SCIN: variants seen among roughly 807,000 people sequenced by gnomAD.
SCIN encodes the protein adseverin.
SCIN carries 91 observed loss-of-function variants against 91.8 expected under a neutral mutation model. The observed-to-expected ratio is 0.99, with a 90% CI of 0.84 to 1.18. SCIN has a LOEUF of 1.18. Among genes scored for constraint, SCIN ranks in the 50% most tolerant of loss-of-function variants. SCIN has a pLI of 0.00. For synonymous variants in SCIN, 367 were observed against 312.6 expected (o/e 1.17, Z -1.84); for missense variants, 1,087 against 863.9 (o/e 1.26, Z -3.24).
chr7:12,657,488 C>G lies in SCIN; in HGVS notation c.*4773C>G, dbSNP rs1030793120. 1.5e-5 allele frequency: 2 copies of G among 137,688 alleles called. No individual in the cohort carries two copies. Among genetic ancestry groups the G allele is most frequent in the African/African-American group, 5.3e-5 (2 of 38,024 alleles). 8.5% of individuals were successfully genotyped at this position (137,688 alleles called of 1,614,324 possible). A position where few individuals can be genotyped will look rare whatever the true frequency, so the allele number is the denominator to read the frequency against. On this transcript the variant is annotated 3_prime_UTR_variant, in exon 16 of 16. Coordinates refer to ENST00000297029, the MANE Select transcript of SCIN (RefSeq NM_001112706.3). ...CCTCCCAATATGCTGGGATTACAGG[C>G]ATGAGCCACCGCATCTGGACACGAA...
intron 4 of SCIN, among the ~76,000 whole-genome samples, chr7:12,613,583 C>T (rs1783240036): frequency 6.6e-6 from 1 of 152,118 alleles, no homozygotes; most frequent in South Asian, 2.1e-4. Context: ...GATTGTGCTT[C>T]CAAGTACTGT....
chr7:12,629,413 G>A (rs1783598706), intron 9 of SCIN, among the ~76,000 whole-genome samples, 191 bp downstream of exon 9: 1 of 152,112 alleles, frequency 6.6e-6, no homozygotes, highest in African/African-American at 2.4e-5. Context: ...GGCAGCAGGA[G>A]TCACATAAAG....
At position 12,580,028 on chromosome 7, in the gene SCIN, TA is replaced by T. The variant is rs200849261; in HGVS notation, c.355-1031del. 5.4e-3 allele frequency among the ~76,000 whole-genome samples: 827 copies of T among 152,264 alleles called. 29 individuals are homozygous for T. The highest frequency in any genetic ancestry group is 0.046 in the Admixed American group (698 of 15,284). Reference sequence around the variant, plus strand: ...AATTATGGACTGGGAAATCATTTTATATTTTTTTTTAATTTGAAGTTTTAAT... The same window carrying T: ...AATTATGGACTGGGAAATCATTTTATTTTTTTTTTAATTTGAAGTTTTAAT... On this transcript the variant is annotated intron_variant, in intron 2 of 15. Transcript: ENST00000297029.
At chr7:12,577,056 C>T (rs1370993869) in intron 1 of SCIN, among the ~76,000 whole-genome samples, 1 of 152,058 alleles carries the variant, frequency 6.6e-6, no homozygotes, top group African/African-American at 2.4e-5. Flanking sequence ...TTGTTTTGAC[C>T]TTAGTGAAGT....
chr7:12,600,838 C>A lies in SCIN; in HGVS notation c.517-3676C>A, dbSNP rs553160140. Among the ~76,000 whole-genome samples the A allele has an allele frequency of 6.6e-5, 10 of 152,264 alleles. No individual in the cohort carries two copies. The South Asian group carries it at 1.9e-3, about 28-fold the overall frequency. Reference sequence around the variant, plus strand: ...CACATCTCTGTATTTTTAAAAATTACCTTGCTACTCTATTATCTGATTTTA... The same window carrying A: ...CACATCTCTGTATTTTTAAAAATTAACTTGCTACTCTATTATCTGATTTTA... On this transcript the variant is annotated intron_variant, in intron 3 of 15. Coordinates refer to ENST00000297029, the MANE Select transcript of SCIN (RefSeq NM_001112706.3).
chr7:12,574,781 C>T (rs1583269999), intron 1 of SCIN, among the ~76,000 whole-genome samples: 2 of 152,056 alleles, frequency 1.3e-5, no homozygotes, highest in South Asian at 2.1e-4. Flanking sequence ...TGATTCCCCC[C>T]ACTTTATGCT....
chr7:12,610,330 T>C (rs528409641), intron 4 of SCIN, among the ~76,000 whole-genome samples: 5 of 152,222 alleles, frequency 3.3e-5, no homozygotes, highest in Admixed American at 6.5e-5. Flanking sequence ...ATAGTGAAGA[T>C]AGTTCTTAAG....
Position 12,626,614 on chromosome 7 carries a change from C to G in SCIN, c.1012C>G (p.Pro338Ala), listed in dbSNP as rs1456518069. The change falls in exon 8 of 16, where the codon CCA becomes GCA. Residue 338 changes from proline (P) to alanine (A), a missense_variant. Physicochemically the swap from Pro to Ala is conservative, Grantham distance 27 (BLOSUM62 -1). Transcript: ENST00000297029. ...IQVLPEGGET[P>A]IFKQFFKDWR... ...AGTTCTTCCAGAAGGAGGTGAAACA[C>G]CAATCTTCAAACAGTTTTTTAAGGA... 5.8e-6 allele frequency: 9 copies of G among 1,551,090 alleles called. No homozygotes were observed. The highest frequency in any genetic ancestry group is 7.0e-6 in the Non-Finnish European group (8 of 1,146,694).
Position 12,619,690 on chromosome 7 carries a change from A to G in SCIN, c.667-3111A>G, listed in dbSNP as rs142735818. 3.3e-3 allele frequency among the ~76,000 whole-genome samples: 508 copies of G among 152,232 alleles called. 1 individual carries two copies. The highest frequency in any genetic ancestry group is 6.0e-3 in the Non-Finnish European group (406 of 68,000). ...ATGGAATGCCGAGTATGTCAGCCTG[A>G]TTAGAGACAGGTACAAGGTAGGGAA... is the stretch of plus-strand genomic sequence containing the variant. On this transcript the variant is annotated intron_variant, in intron 4 of 15. Transcript: ENST00000297029.
At chr7:12,637,476 G>GA (rs1258506244) in intron 10 of SCIN, among the ~76,000 whole-genome samples, 2 of 151,890 alleles carry the variant, frequency 1.3e-5, no homozygotes, top group African/African-American at 2.4e-5. Flanking sequence ...GGGACAAAGA[G>GA]AAAAGACAGG....
chr7:12,612,191 G>A (rs2691823), intron 4 of SCIN, among the ~76,000 whole-genome samples: 55,073 of 151,796 alleles, frequency 0.36, 10,498 homozygotes, highest in African/African-American at 0.46. Flanking sequence ...ATTGAACAAT[G>A]TCTTAAATAT....
At chr7:12,635,777 A>G (rs1319027516) in intron 9 of SCIN, among the ~76,000 whole-genome samples, 1 of 152,024 alleles carries the variant, frequency 6.6e-6, no homozygotes, top group Non-Finnish European at 1.5e-5. Flanking sequence ...AGGTGAACCC[A>G]ATTACTTAGC....
chr7:12,644,686 A>G lies in SCIN; in HGVS notation c.1862A>G (p.Asn621Ser). 1 of 1,570,466 alleles carries G rather than the reference A, an allele frequency of 6.4e-7. No homozygotes were observed. The highest frequency in any genetic ancestry group is 8.6e-7 in the Non-Finnish European group (1 of 1,157,080). ...CCACCTCGGCTTTACGGCTGCTCTA[A>G]CAAAACTGGAAGATTTGTTGTAAGT... ...DHPPRLYGCS[N>S]KTGRFVIEEI... is the part of the protein sequence containing the mutation. The change falls in exon 13 of 16, where the codon AAC becomes AGC. Residue 621 changes from asparagine to serine, a missense_variant. By Grantham distance (46) the Asn-to-Ser change is conservative. Transcript: ENST00000297029.
intron 13 of SCIN, among the ~76,000 whole-genome samples, chr7:12,647,931 C>T (rs1005885097): frequency 6.6e-6 from 1 of 152,126 alleles, no homozygotes; most frequent in African/African-American, 2.4e-5. Context: ...GTCACCTTTG[C>T]TAATATGACA....
intron 3 of SCIN, among the ~76,000 whole-genome samples, chr7:12,604,118 T>C (rs557617626): frequency 2.1e-4 from 32 of 152,216 alleles, no homozygotes; most frequent in African/African-American, 7.5e-4. Flanking sequence ...ATTTGTCAAT[T>C]TAAAAACATG....
chr7:12,582,278 A>G (rs978741263), intron 3 of SCIN, among the ~76,000 whole-genome samples: 3 of 152,224 alleles, frequency 2.0e-5, no homozygotes, highest in African/African-American at 7.2e-5. Context: ...GACAGAAGCC[A>G]AAAGAGCTTA....
At chr7:12,594,909 C>T (rs1782807489) in intron 3 of SCIN, among the ~76,000 whole-genome samples, 2 of 152,146 alleles carry the variant, frequency 1.3e-5, no homozygotes, top group African/African-American at 4.8e-5. Flanking sequence ...AGGCAAAAGT[C>T]TCTCTTACTC....
chr7:12,640,439 A>G lies in SCIN; in HGVS notation c.1503A>G (p.Lys501=), dbSNP rs1783835204. The change falls in exon 11 of 16, where the codon AAA becomes AAG. Residue 501 remains lysine (K), a synonymous_variant. Coordinates refer to ENST00000297029, the MANE Select transcript of SCIN (RefSeq NM_001112706.3). ...LIIYKNGTSK[K]GGQAPAPPTR... ...TTTACAAGAATGGAACATCAAAGAA[A>G]GGAGGTCAGGCACCTGCTCCCCCTA... is the stretch of plus-strand genomic sequence containing the variant. 10 of 1,613,514 alleles carry G rather than the reference A, an allele frequency of 6.2e-6. No individual in the cohort carries two copies. Among genetic ancestry groups the G allele is most frequent in the Non-Finnish European group, 7.6e-6 (9 of 1,179,736 alleles).
chr7:12,649,060 G>A (rs955563649), intron 13 of SCIN, among the ~76,000 whole-genome samples: 1 of 152,152 alleles, frequency 6.6e-6, no homozygotes, highest in Non-Finnish European at 1.5e-5. Context: ...TCTGTGAGGA[G>A]TGGTGATATG....
Sources: allele counts gnomAD v4.1 joint callset (sites outside exome capture counted in the v4.1 genomes callset), GRCh38; gene constraint gnomAD v4.1.1; transcripts MANE v1.5; gene names NCBI Gene and HGNC (gene_info 2026-07-23, HGNC 2026-07-21).